UNC119: variants seen among roughly 807,000 people sequenced by gnomAD.
UNC119 encodes the protein unc-119 lipid binding chaperone.
A neutral mutation model predicts 22.6 loss-of-function variants in UNC119; 15 were observed. The ratio of observed to expected loss-of-function variants is 0.66; its 90% CI spans 0.44 to 1.02. The LOEUF (loss-of-function observed/expected upper bound fraction) is 1.02, where lower values mean the gene tolerates loss of function less well. Among genes scored for constraint, UNC119 ranks in the 50% least tolerant of loss-of-function variants. The pLI is 0.00. For missense variants in UNC119, 322 were observed against 336.0 expected (o/e 0.96, Z 0.33); for synonymous variants, 138 against 139.4 (o/e 0.99, Z 0.07).
chr17:28,552,336 A>T lies in UNC119; in HGVS notation c.220+2T>A. 6.5e-7 allele frequency: 1 copy of T among 1,534,688 alleles called. No homozygotes were observed. Among genetic ancestry groups the T allele is most frequent in the Admixed American group, 2.0e-5 (1 of 51,076 alleles). The stretch of plus-strand genomic sequence containing the variant: ...GGGCGGCGCTCCCTCGCGGGTGCTC[A>T]CCACCGGTGATCCGCTGCAGCCCCA... On this transcript the variant is annotated splice_donor_variant, in intron 1 of 4. Transcript: ENST00000335765. LOFTEE classifies it high-confidence loss of function.
chr17:28,548,570 A>T (rs753239514), intron 2 of UNC119, 22 bp downstream of exon 2: 12 of 1,604,314 alleles, frequency 7.5e-6, no homozygotes, highest in African/African-American at 1.3e-5. Context: ...CTCCCCATCA[A>T]TGGCCCACCC....
At position 28,547,277 on chromosome 17, in the gene UNC119, G is replaced by A; in HGVS notation, c.*20C>T. ...CCCAGCCCAGAACTGGAGCCTCCTGGGGTCAGGGCAGCCGTGGGGTCAGGG... is the reference window on the plus strand; with the variant it reads ...CCCAGCCCAGAACTGGAGCCTCCTGAGGTCAGGGCAGCCGTGGGGTCAGGG... On this transcript the variant is annotated 3_prime_UTR_variant, in exon 5 of 5. Transcript: ENST00000335765. 6.2e-7 allele frequency: 1 copy of A among 1,613,738 alleles called. No homozygotes were observed. Among genetic ancestry groups the A allele is most frequent in the Non-Finnish European group, 8.5e-7 (1 of 1,179,818 alleles).
In UNC119 at chr17:28,548,685, C is replaced by T; in HGVS notation, c.241G>A (p.Glu81Lys). The change falls in exon 2 of 5, where the codon GAG becomes AAG. Residue 81 changes from glutamate (E) to lysine (K), a missense_variant. Glu to Lys is a moderately conservative substitution (Grantham distance 56, BLOSUM62 1). Transcript: ENST00000335765. ...ACAAAGTCGATCTTGTAGATATTCTCCTCAGGGGAGCAGAGGTAGTCTAGG... is the reference window on the plus strand; with the variant it reads ...ACAAAGTCGATCTTGTAGATATTCTTCTCAGGGGAGCAGAGGTAGTCTAGG... The part of the protein sequence containing the change: ...ITGDYLCSPE[E>K]NIYKIDFVRF... 5 of 1,614,116 alleles carry T rather than the reference C, an allele frequency of 3.1e-6. No individual in the cohort carries two copies. Among genetic ancestry groups the T allele is most frequent in the Non-Finnish European group, 4.2e-6 (5 of 1,179,988 alleles).
intron 1 of UNC119, chr17:28,549,023 T>C: frequency 7.5e-6 from 2 of 264,960 alleles, no homozygotes; most frequent in Non-Finnish European, 1.5e-5. Flanking sequence ...AGGGTCCTCA[T>C]TCTGGCCTCC....
rs531975581 is a variant in UNC119, at chr17:28,552,565, C to A, written c.-8G>T. On this transcript the variant is annotated 5_prime_UTR_variant, in exon 1 of 5. Coordinates refer to ENST00000335765, the MANE Select transcript of UNC119 (RefSeq NM_005148.4). ...GCCCTTCTTCACCTTCATGGCCTTG[C>A]GGGGCCGAGGCTCGCCTGCTGCTGC... 2 of 1,510,048 alleles carry A rather than the reference C, an allele frequency of 1.3e-6. No homozygotes were observed. Among genetic ancestry groups the A allele is most frequent in the Admixed American group, 2.1e-5 (1 of 48,290 alleles). The allele number at this position is 1,510,048 out of a possible 1,614,324, so 93.5% of individuals were successfully genotyped here.
rs773311477 is a variant in UNC119, at chr17:28,548,066, T to C, written c.370A>G (p.Asn124Asp). 2.5e-5 allele frequency: 41 copies of C among 1,613,706 alleles called. No individual in the cohort carries two copies. The East Asian group carries it at 8.7e-4, about 34-fold the overall frequency. Residue 124 changes from asparagine to aspartate, a missense_variant, in exon 3 of 5, where the codon AAT becomes GAT. Transcript: ENST00000335765. ...LPINRRDLDP[N>D]AGRFVRYQFT... ...TGGTAGCGGACAAAGCGCCCAGCATTGGGGTCCAGGTCCCGCCGGTTGATG... is the reference window on the plus strand; with the variant it reads ...TGGTAGCGGACAAAGCGCCCAGCATCGGGGTCCAGGTCCCGCCGGTTGATG...
intron 1 of UNC119, chr17:28,549,043 A>C (rs1416462440): frequency 8.8e-6 from 2 of 227,690 alleles, no homozygotes; most frequent in Non-Finnish European, 1.8e-5. Flanking sequence ...CGCTCTGCCA[A>C]GGCTGGCTAG....
At chr17:28,547,609 T>C (rs2151507292) in intron 4 of UNC119, 68 bp downstream of exon 4, 1 of 1,613,358 alleles carries the variant, frequency 6.2e-7, no homozygotes, top group Non-Finnish European at 8.5e-7. Flanking sequence ...CACAAGTCCC[T>C]CTCCCTCCCG....
chr17:28,548,820 C>T lies in UNC119; in HGVS notation c.221-115G>A, dbSNP rs997092391. 1.9e-5 allele frequency: 15 copies of T among 802,672 alleles called. No homozygotes were observed. The African/African-American group carries it at 2.5e-4, about 14-fold the overall frequency. 49.7% of individuals were successfully genotyped at this position (802,672 alleles called of 1,614,324 possible). A position where few individuals can be genotyped will look rare whatever the true frequency, so the allele number is the denominator to read the frequency against. ...TTCTCATCCCTGGGATCACTGCCCT[C>T]TGGAAAGAGGGACCTCAGTCCCTGC... On this transcript the variant is annotated intron_variant, in intron 1 of 4. Coordinates refer to ENST00000335765, the MANE Select transcript of UNC119 (RefSeq NM_005148.4).
intron 4 of UNC119, 106 bp downstream of exon 4, chr17:28,547,571 C>A: frequency 6.2e-7 from 1 of 1,606,188 alleles, no homozygotes; most frequent in Non-Finnish European, 8.5e-7. Flanking sequence ...CAGAAGAGCC[C>A]CAGGGTGGGG....
At chr17:28,550,490 C>T (rs1309504445) in intron 1 of UNC119, 1 of 152,274 alleles carries the variant, frequency 6.6e-6, no homozygotes, top group Non-Finnish European at 1.5e-5. Flanking sequence ...CACTCCTTCT[C>T]TTCTAGAAAG....
chr17:28,547,963 C>T (rs1274742351), intron 3 of UNC119, 36 bp downstream of exon 3: 2 of 1,613,596 alleles, frequency 1.2e-6, no homozygotes, highest in Admixed American at 3.3e-5. Context: ...CACCCTCTCC[C>T]TCACCCCCAC....
intron 4 of UNC119, 39 bp downstream of exon 4, chr17:28,547,638 C>T (rs367959553): frequency 2.9e-5 from 46 of 1,613,996 alleles, no homozygotes; most frequent in Middle Eastern, 1.7e-4. Flanking sequence ...TCTCTAGACG[C>T]CCCCACTTCC....
At position 28,547,543 on chromosome 17, in the gene UNC119, T is replaced by C; in HGVS notation, c.610+134A>G. 10 of 1,591,352 alleles carry C rather than the reference T, an allele frequency of 6.3e-6. No homozygotes were observed. In the South Asian group the frequency reaches 1.0e-4, roughly 16 times the overall value. On this transcript the variant is annotated intron_variant, in intron 4 of 4. Transcript: ENST00000335765. Reference sequence around the variant, plus strand: ...CCAGCCTCTTTCTCTACGGATGATATGGGAATGGTGGCAGACACAGAAGAG... The same window carrying C: ...CCAGCCTCTTTCTCTACGGATGATACGGGAATGGTGGCAGACACAGAAGAG...
At chr17:28,549,813 C>T (rs1178529948) in intron 1 of UNC119, 1 of 152,214 alleles carries the variant, frequency 6.6e-6, no homozygotes, top group Admixed American at 6.5e-5. Flanking sequence ...GCAGCAACTT[C>T]AAGTGCTCAG....
Position 28,548,067 on chromosome 17 carries a change from G to A in UNC119, c.369C>T (p.Pro123=), listed in dbSNP as rs760712949. 1 of 1,613,778 alleles carries A rather than the reference G, an allele frequency of 6.2e-7. No homozygotes were observed. ...GGTAGCGGACAAAGCGCCCAGCATT[G>A]GGGTCCAGGTCCCGCCGGTTGATGG... ...RLPINRRDLD[P]NAGRFVRYQF... Residue 123 remains proline, a synonymous_variant, in exon 3 of 5, where the codon CCC becomes CCT. Transcript: ENST00000335765.
intron 1 of UNC119, chr17:28,549,815 A>G (rs1400016699): frequency 6.6e-6 from 1 of 152,238 alleles, no homozygotes; most frequent in African/African-American, 2.4e-5. Flanking sequence ...AGCAACTTCA[A>G]GTGCTCAGGG....
At chr17:28,548,502 T>G (rs1309179563) in intron 2 of UNC119, 90 bp downstream of exon 2, 3 of 1,111,820 alleles carry the variant, frequency 2.7e-6, no homozygotes, top group Non-Finnish European at 4.1e-6. Flanking sequence ...CCCAGCTCTG[T>G]GGACTCCTCT....
At position 28,547,668 on chromosome 17, in the gene UNC119, C is replaced by A; in HGVS notation, c.610+9G>T. 1.9e-6 allele frequency: 3 copies of A among 1,614,166 alleles called. No homozygotes were observed. The highest frequency in any genetic ancestry group is 2.5e-6 in the Non-Finnish European group (3 of 1,180,036). On this transcript the variant is annotated intron_variant, in intron 4 of 4. Transcript: ENST00000335765. ...ACTTCCCCACTCCCAGAAGACCCTG[C>A]CCGCGCACTCAGCTCCTCGGAGAGA...
Sources: gnomAD v4.1 joint callset for allele counts on GRCh38, gnomAD v4.1.1 for gene constraint, MANE v1.5 for transcripts, NCBI Gene and HGNC (gene_info 2026-07-23, HGNC 2026-07-21) for gene names.